The following ANTXR1 variants were observed in gnomAD, a reference collection of about 807,000 sequenced individuals.
ANTXR1 encodes the protein anthrax toxin receptor 1.
ANTXR1 carries 19 observed loss-of-function variants against 78.1 expected under a neutral mutation model. The observed-to-expected ratio is 0.24, with a 90% CI of 0.17 to 0.36. ANTXR1 has a LOEUF of 0.36. Ranked by LOEUF, ANTXR1 falls within the 10% of genes least tolerant of loss-of-function variation. The pLI is 1.00. For missense variants in ANTXR1, 518 were observed against 718.6 expected (o/e 0.72, Z 3.19); for synonymous variants, 273 against 260.5 (o/e 1.05, Z -0.46).
At position 69,040,094 on chromosome 2, in the gene ANTXR1, A is replaced by T; in HGVS notation, c.203A>T (p.Gln68Leu). ...HWNEIYYFVEQLAHKFISPQL... is the reference protein window; with the variant it reads ...HWNEIYYFVELLAHKFISPQL... ...AATGAAATCTATTACTTTGTGGAACAGTTGGCTCACAAATTCATCAGGTGA... is the reference window on the plus strand; with the variant it reads ...AATGAAATCTATTACTTTGTGGAACTGTTGGCTCACAAATTCATCAGGTGA... The change falls in exon 2 of 18, where the codon CAG (glutamine) becomes CTG (leucine). Residue 68 changes from glutamine (Q) to leucine (L), a missense_variant. Physicochemically the swap from Gln to Leu is moderately radical, Grantham distance 113 (BLOSUM62 -2). Around this residue, in one of 5 missense-constraint regions of ANTXR1, gnomAD observed 264 missense variants for 391.8 expected, o/e 0.67. Transcript: ENST00000303714. The T allele has an allele frequency of 6.2e-7, 1 of 1,613,426 alleles. No individual in the cohort carries two copies. Among genetic ancestry groups the T allele is most frequent in the African/African-American group, 1.3e-5 (1 of 75,022 alleles).
intron 10 of ANTXR1, among the ~76,000 whole-genome samples, chr2:69,115,943 GTATACT>G (rs1672131635): frequency 6.6e-6 from 1 of 152,130 alleles, no homozygotes; most frequent in African/African-American, 2.4e-5. Flanking sequence ...ATTACAGTGG[GTATACT>G]CATTCTGAGG....
In ANTXR1 at chr2:69,245,371, C is replaced by T. The variant is rs1439068171; in HGVS notation, c.1581C>T (p.Ser527=). The stretch of plus-strand genomic sequence containing the variant: ...CCCACTGCCCTCCCCCGCCCCCCAG[C>T]GCCCCTACCCCTCCCATCCCGTCCC... ...PAPHCPPPPP[S]APTPPIPSPP... is the part of the protein sequence containing the mutation. The change falls in exon 18 of 18, where the codon AGC becomes AGT. Residue 527 remains serine, a synonymous_variant. Transcript: ENST00000303714. 52 of 1,508,966 alleles carry T rather than the reference C, an allele frequency of 3.4e-5. No individual in the cohort carries two copies. Among genetic ancestry groups the T allele is most frequent in the East Asian group, 7.5e-5 (3 of 40,164 alleles). 93.5% of individuals were successfully genotyped at this position (1,508,966 alleles called of 1,614,324 possible).
At chr2:69,072,804 G>GA (rs2104214668) in intron 5 of ANTXR1, among the ~76,000 whole-genome samples, 1 of 152,334 alleles carries the variant, frequency 6.6e-6, no homozygotes, top group Non-Finnish European at 1.5e-5. Flanking sequence ...AGATGAGGCT[G>GA]AAAAATGAGA....
rs1420003416 is a variant in ANTXR1 at position 69,025,401 on chromosome 2, A to T, written c.152+11750A>T. Among the ~76,000 whole-genome samples the T allele has an allele frequency of 2.6e-5, 4 of 152,306 alleles. No homozygotes were observed. The South Asian group carries it at 8.3e-4, about 32-fold the overall frequency. ...AGGAAAAACCCTTAGTGTTTGTCCT[A>T]TGGGGTTTCATCCAGTGACCTGACC... On this transcript the variant is annotated intron_variant, in intron 1 of 17. Transcript: ENST00000303714.
chr2:69,104,062 C>T (rs1237267974), intron 10 of ANTXR1, among the ~76,000 whole-genome samples: 1 of 152,032 alleles, frequency 6.6e-6, no homozygotes, highest in African/African-American at 2.4e-5. Flanking sequence ...CCTCAGCCTC[C>T]TGAGTAGCTA....
intron 17 of ANTXR1, among the ~76,000 whole-genome samples, chr2:69,218,364 G>A (rs1174163897): frequency 6.7e-6 from 1 of 148,694 alleles, no homozygotes; most frequent in Non-Finnish European, 1.5e-5. Context: ...TGGAAAAAAA[G>A]GGGGGGATGG....
At chr2:69,244,518 CA>C (rs1399056100) in intron 17 of ANTXR1, among the ~76,000 whole-genome samples, 4 of 152,194 alleles carry the variant, frequency 2.6e-5, no homozygotes, top group Admixed American at 2.6e-4. Context: ...GTATTGATCA[CA>C]TCAGTAGAGA....
In ANTXR1 at chr2:69,245,309, C is replaced by T. The variant is rs1321231896; in HGVS notation, c.1519C>T (p.Pro507Ser). 1.9e-6 allele frequency: 3 copies of T among 1,611,618 alleles called. No homozygotes were observed. The Admixed American group carries it at 5.0e-5, about 27-fold the overall frequency. ...LNNAYHTSSP[P>S]PAPIYTPPPP... is the part of the protein sequence containing the mutation. ...CAACGCCTACCACACCTCCTCGCCG[C>T]CTCCTGCCCCCATCTACACTCCCCC... The change falls in exon 18 of 18, where the codon CCT becomes TCT. Residue 507 changes from proline (P) to serine (S), a missense_variant. Physicochemically the swap from Pro to Ser is moderately conservative, Grantham distance 74. Transcript: ENST00000303714.
At chr2:69,014,396 C>G (rs1351876315) in intron 1 of ANTXR1, among the ~76,000 whole-genome samples, 3 of 143,842 alleles carry the variant, frequency 2.1e-5, no homozygotes, top group African/African-American at 8.8e-5. Context: ...TCCCCTTCGA[C>G]TTGAGTACCC....
chr2:69,101,519 A>C (rs960383252), intron 9 of ANTXR1, among the ~76,000 whole-genome samples: 24 of 152,206 alleles, frequency 1.6e-4, no homozygotes, highest in Admixed American at 1.2e-3. Context: ...CATGTACAAT[A>C]TTTCACAGAG....
rs1670656550 is a variant in ANTXR1, at chr2:69,074,119, A to AAAT, written c.492+1022_492+1024dup. 2.0e-5 allele frequency among the ~76,000 whole-genome samples: 3 copies of AAAT among 152,334 alleles called. No homozygotes were observed. In the South Asian group the frequency reaches 6.2e-4, roughly 32 times the overall value. ...GCTGCTGCCCTCGTGAGTCACCATG[A>AAAT]AATAATGGTCAGCCCTTTGAAGCCT... On this transcript the variant is annotated intron_variant, in intron 6 of 17. Coordinates refer to ENST00000303714, the MANE Select transcript of ANTXR1 (RefSeq NM_032208.3).
intron 12 of ANTXR1, among the ~76,000 whole-genome samples, chr2:69,147,880 T>C (rs1334007876): frequency 6.6e-6 from 1 of 152,176 alleles, no homozygotes; most frequent in Admixed American, 6.5e-5. Context: ...CTCACTGAAT[T>C]AAATGAGAGA....
At chr2:69,022,925 A>G (rs1671235940) in intron 1 of ANTXR1, among the ~76,000 whole-genome samples, 1 of 152,248 alleles carries the variant, frequency 6.6e-6, no homozygotes, top group African/African-American at 2.4e-5. Flanking sequence ...CAGTGTTGCC[A>G]GGTCCTGCTG....
intron 13 of ANTXR1, among the ~76,000 whole-genome samples, chr2:69,165,660 C>T (rs1029061803): frequency 1.2e-4 from 18 of 152,368 alleles, no homozygotes; most frequent in African/African-American, 3.6e-4. Flanking sequence ...GCCTGACTCG[C>T]GGCTTCAAAC....
At chr2:69,215,061 G>A (rs1351232283) in intron 17 of ANTXR1, among the ~76,000 whole-genome samples, 3 of 152,190 alleles carry the variant, frequency 2.0e-5, no homozygotes, top group Non-Finnish European at 1.5e-5. Context: ...CAGGACGCAT[G>A]GATGGGCGAA....
At chr2:69,044,590 C>T in intron 2 of ANTXR1, 152 bp from the exon 3 acceptor site, 1 of 756,992 alleles carries the variant, frequency 1.3e-6, no homozygotes, top group South Asian at 1.5e-5. Flanking sequence ...GGCTAATCAA[C>T]ACCCGCAGCA....
At chr2:69,173,536 CAGA>C (rs953451169) in intron 14 of ANTXR1, among the ~76,000 whole-genome samples, 18 of 152,338 alleles carry the variant, frequency 1.2e-4, no homozygotes, top group Admixed American at 1.0e-3. Context: ...TAGCTCCCCT[CAGA>C]AGGAGGAATG....
intron 10 of ANTXR1, among the ~76,000 whole-genome samples, chr2:69,105,101 A>G (rs1204974292): frequency 6.6e-6 from 1 of 152,202 alleles, no homozygotes; most frequent in Non-Finnish European, 1.5e-5. Context: ...TAATAGGAAG[A>G]AGATGAAATG....
chr2:69,213,093 C>T (rs1205083600), intron 17 of ANTXR1, among the ~76,000 whole-genome samples: 1 of 151,586 alleles, frequency 6.6e-6, no homozygotes, highest in African/African-American at 2.4e-5. Context: ...AGACATGAGC[C>T]ACCACCACAC....
Sources: allele counts gnomAD v4.1 joint callset (sites outside exome capture counted in the v4.1 genomes callset), GRCh38; gene constraint gnomAD v4.1.1; regional missense constraint gnomAD v4.1.1; transcripts MANE v1.5; gene names NCBI Gene and HGNC (gene_info 2026-07-23, HGNC 2026-07-21).